The following FTCDNL1 variants were observed in gnomAD, a reference collection of about 807,000 sequenced individuals.
The protein encoded by FTCDNL1 is formiminotransferase cyclodeaminase N-terminal like.
A neutral mutation model predicts 5.9 loss-of-function variants in FTCDNL1; 11 were observed. The observed-to-expected ratio is 1.87, with a 90% CI of 1.18 to 3.10. FTCDNL1 has a LOEUF of 3.10. Ranked by LOEUF, FTCDNL1 falls within the 30% of genes most tolerant of loss-of-function variation. The probability of loss-of-function intolerance (pLI) is 0.00; values close to 1 mark genes in which losing one functional copy is unlikely to be tolerated. For missense variants in FTCDNL1, 115 were observed against 65.5 expected (o/e 1.76, Z -2.61); for synonymous variants, 58 against 24.8 (o/e 2.34, Z -3.99).
intron 3 of FTCDNL1, among the ~76,000 whole-genome samples, chr2:199,845,331 C>G (rs2076702713): frequency 6.6e-6 from 1 of 152,054 alleles, no homozygotes; most frequent in Admixed American, 6.6e-5. Flanking sequence ...CTTTGGGAGG[C>G]TGAGGCAGGC....
Position 199,810,029 on chromosome 2 carries a change from T to G in FTCDNL1, c.*2676A>C, listed in dbSNP as rs1203678218. Among the ~76,000 whole-genome samples the G allele has an allele frequency of 1.3e-5, 2 of 152,216 alleles. No homozygotes were observed. The highest frequency in any genetic ancestry group is 1.3e-4 in the Admixed American group (2 of 15,288). Reference sequence around the variant, plus strand: ...AGGTAACTTTATCTACTCTAAACTATCCGAAGGATTTTTTTTTTCCTAAAA... The same window carrying G: ...AGGTAACTTTATCTACTCTAAACTAGCCGAAGGATTTTTTTTTTCCTAAAA... On this transcript the variant is annotated 3_prime_UTR_variant, in exon 5 of 5. Coordinates refer to ENST00000420128, the MANE Select transcript of FTCDNL1 (RefSeq NM_001363886.2).
chr2:199,785,597 A>T (rs1226700042), intron 3 of FTCDNL1: 1 of 152,072 alleles, frequency 6.6e-6, no homozygotes, highest in African/African-American at 2.4e-5. Flanking sequence ...ATTATTTCAA[A>T]ATACATTTTT....
At chr2:199,793,634 T>TA (rs1055277083) in intron 3 of FTCDNL1, among the ~76,000 whole-genome samples, 5 of 152,152 alleles carry the variant, frequency 3.3e-5, no homozygotes, top group African/African-American at 4.8e-5. Flanking sequence ...TTTACATTTT[T>TA]AAAAAAAGCT....
the FTCDNL1 span, among the ~76,000 whole-genome samples, chr2:199,698,747 G>C: frequency 1.3e-5 from 2 of 152,072 alleles, no homozygotes; most frequent in South Asian, 2.1e-4. Context: ...CCCAAAGCTA[G>C]TGGAAGAAAA....
At chr2:199,673,354 A>G in the FTCDNL1 span, among the ~76,000 whole-genome samples, 1 of 147,896 alleles carries the variant, frequency 6.8e-6, no homozygotes, top group Non-Finnish European at 1.5e-5. Context: ...AAAAAAAGTC[A>G]CAAAGAATAA....
the FTCDNL1 span, among the ~76,000 whole-genome samples, chr2:199,741,821 A>C: frequency 6.6e-6 from 1 of 152,162 alleles, no homozygotes; most frequent in Non-Finnish European, 1.5e-5. Context: ...TAAAAAAAAA[A>C]TTAACTTTTT....
intron 4 of FTCDNL1, among the ~76,000 whole-genome samples, chr2:199,814,962 G>A (rs1218890759): frequency 6.6e-6 from 1 of 152,088 alleles, no homozygotes; most frequent in Non-Finnish European, 1.5e-5. Context: ...ATTCCAAGAT[G>A]TACCAATTAC....
chr2:199,743,220 CTG>C, the FTCDNL1 span, among the ~76,000 whole-genome samples: 1 of 152,170 alleles, frequency 6.6e-6, no homozygotes, highest in South Asian at 2.1e-4. Flanking sequence ...GATGGGGAAA[CTG>C]AGGCTCAGTG....
chr2:199,680,248 A>G, the FTCDNL1 span, among the ~76,000 whole-genome samples: 1 of 152,248 alleles, frequency 6.6e-6, no homozygotes, highest in African/African-American at 2.4e-5. Context: ...TAAGCAAACC[A>G]TTGTAATGTG....
At chr2:199,713,923 G>T in the FTCDNL1 span, among the ~76,000 whole-genome samples, 2 of 152,130 alleles carry the variant, frequency 1.3e-5, no homozygotes, top group Non-Finnish European at 2.9e-5. Flanking sequence ...ACTTACAGTG[G>T]CTGAAACCAA....
intron 4 of FTCDNL1, among the ~76,000 whole-genome samples, chr2:199,816,177 C>T (rs1432273255): frequency 6.6e-6 from 1 of 152,074 alleles, no homozygotes; most frequent in African/African-American, 2.4e-5. Flanking sequence ...ATTCACTGAT[C>T]CTCCTTGAAA....
chr2:199,789,313 C>T (rs188058813), intron 3 of FTCDNL1, among the ~76,000 whole-genome samples: 14 of 152,170 alleles, frequency 9.2e-5, no homozygotes, highest in East Asian at 5.8e-4. Context: ...GAATGCAAGA[C>T]GGTTTAATGG....
At chr2:199,667,830 A>G in the FTCDNL1 span, among the ~76,000 whole-genome samples, 3 of 152,196 alleles carry the variant, frequency 2.0e-5, no homozygotes, top group East Asian at 1.9e-4. Flanking sequence ...TAAATGAGGC[A>G]TAAGCCTCAT....
At chr2:199,719,698 G>A in the FTCDNL1 span, among the ~76,000 whole-genome samples, 23 of 151,520 alleles carry the variant, frequency 1.5e-4, no homozygotes, top group Non-Finnish European at 2.8e-4. Flanking sequence ...GCTGTGGCAC[G>A]ATCTCAGCTC....
the FTCDNL1 span, among the ~76,000 whole-genome samples, chr2:199,689,444 T>TGATGCC: frequency 6.6e-6 from 1 of 152,148 alleles, no homozygotes; most frequent in Non-Finnish European, 1.5e-5. Context: ...ATGGGTCTTA[T>TGATGCC]CACCCAACAC....
chr2:199,699,445 C>G, the FTCDNL1 span, among the ~76,000 whole-genome samples: 1 of 151,866 alleles, frequency 6.6e-6, no homozygotes, highest in South Asian at 2.1e-4. Context: ...TAGAGTGAGA[C>G]CCTGTCTCAA....
chr2:199,777,667 A>G (rs1295045737), intron 3 of FTCDNL1, among the ~76,000 whole-genome samples: 1 of 152,168 alleles, frequency 6.6e-6, no homozygotes, highest in Non-Finnish European at 1.5e-5. Flanking sequence ...TAACCAGCAC[A>G]TTCACATAAT....
chr2:199,700,939 G>T, the FTCDNL1 span, among the ~76,000 whole-genome samples: 17 of 151,866 alleles, frequency 1.1e-4, no homozygotes, highest in East Asian at 2.9e-3. Flanking sequence ...AAAAAGGTCA[G>T]TTCGCTGCCA....
intron 3 of FTCDNL1, among the ~76,000 whole-genome samples, chr2:199,833,440 C>T (rs1490700139): frequency 6.6e-6 from 1 of 152,188 alleles, no homozygotes; most frequent in African/African-American, 2.4e-5. Context: ...TATTGCTCCC[C>T]GTTTGTTAAG....
Sources: gnomAD v4.1 joint callset for allele counts (sites outside exome capture counted in the v4.1 genomes callset) on GRCh38, gnomAD v4.1.1 for gene constraint, MANE v1.5 for transcripts, NCBI Gene and HGNC (gene_info 2026-07-23, HGNC 2026-07-21) for gene names.